PTPRD: variants seen among roughly 807,000 people sequenced by gnomAD.
PTPRD encodes the protein protein tyrosine phosphatase receptor type D.
Under a neutral mutation model 214.5 loss-of-function variants are expected in PTPRD, and 34 were observed. That is an observed-to-expected ratio of 0.16 (90% confidence interval 0.12 to 0.21). PTPRD has a LOEUF of 0.21. PTPRD is among the 10% of genes least tolerant of loss of function. The pLI is 1.00. For missense variants in PTPRD, 2,545 were observed against 2,398.7 expected (o/e 1.06, Z -1.27); for synonymous variants, 1,128 against 845.7 (o/e 1.33, Z -5.79).
At chr9:8,532,145 A>C (rs1592947942) in intron 14 of PTPRD, among the ~76,000 whole-genome samples, 2 of 152,014 alleles carry the variant, frequency 1.3e-5, no homozygotes, top group Non-Finnish European at 2.9e-5. Context: ...TCTTCGTTAA[A>C]TTTTCATGAG....
intron 7 of PTPRD, among the ~76,000 whole-genome samples, chr9:9,585,923 C>G (rs1489281443): frequency 6.6e-6 from 1 of 151,982 alleles, no homozygotes; most frequent in African/African-American, 2.4e-5. Flanking sequence ...AGCAGGCTAA[C>G]CAGAAGTAGA....
chr9:9,067,140 G>C (rs1331651565), intron 10 of PTPRD, among the ~76,000 whole-genome samples: 1 of 152,162 alleles, frequency 6.6e-6, no homozygotes. Flanking sequence ...TTACTCAGGA[G>C]AATCGCTTGA....
chr9:10,227,615 C>G (rs1052738446), intron 3 of PTPRD, among the ~76,000 whole-genome samples: 1 of 151,924 alleles, frequency 6.6e-6, no homozygotes, highest in African/African-American at 2.4e-5. Flanking sequence ...GTGCATTTTT[C>G]ATCCATCCTT....
intron 2 of PTPRD, among the ~76,000 whole-genome samples, chr9:10,592,121 C>A (rs558599682): frequency 2.6e-5 from 4 of 152,180 alleles, no homozygotes; most frequent in Admixed American, 2.6e-4. Flanking sequence ...AGTATTAAGA[C>A]TGAAGCAAGC....
chr9:9,443,266 C>A (rs1162078393), intron 8 of PTPRD, among the ~76,000 whole-genome samples: 1 of 148,298 alleles, frequency 6.7e-6, no homozygotes, highest in Non-Finnish European at 1.5e-5. Flanking sequence ...TAAATAACAG[C>A]ATGGACAGGA....
rs1268530452 is a variant in PTPRD, at chr9:9,618,508, A to C, written c.-286-43727T>G. Among the ~76,000 whole-genome samples, 4 of 152,290 alleles carry C rather than the reference A, an allele frequency of 2.6e-5. No individual in the cohort carries two copies. In the South Asian group the frequency reaches 6.2e-4, roughly 24 times the overall value. On this transcript the variant is annotated intron_variant, in intron 7 of 45. Coordinates refer to ENST00000381196, the MANE Select transcript of PTPRD (RefSeq NM_002839.4). ...TGGCAGTGACACTGCAGAGGAGAGG[A>C]CAGATGGAAGTGATATTAGGAAGGT...
intron 2 of PTPRD, among the ~76,000 whole-genome samples, chr9:10,368,568 G>T (rs1004887688): frequency 2.6e-5 from 4 of 151,962 alleles, no homozygotes; most frequent in African/African-American, 9.7e-5. Context: ...TTTAATGCAG[G>T]ATACAGAAAT....
At chr9:8,963,044 G>A (rs1045448168) in intron 11 of PTPRD, 1 of 151,846 alleles carries the variant, frequency 6.6e-6, no homozygotes, top group East Asian at 1.9e-4. Context: ...AATATACAAT[G>A]GAATACCAGA....
At chr9:10,403,579 C>A (rs1024626600) in intron 2 of PTPRD, among the ~76,000 whole-genome samples, 3 of 151,296 alleles carry the variant, frequency 2.0e-5, no homozygotes, top group Non-Finnish European at 4.4e-5. Context: ...GAACTAAACA[C>A]ACTCTGACCA....
intron 3 of PTPRD, among the ~76,000 whole-genome samples, chr9:10,146,195 A>C (rs910231859): frequency 3.3e-5 from 5 of 150,766 alleles, no homozygotes; most frequent in African/African-American, 9.7e-5. Flanking sequence ...TGATCTATGC[A>C]CACATATATA....
intron 31 of PTPRD, among the ~76,000 whole-genome samples, chr9:8,466,479 G>A (rs2096546360): frequency 6.6e-6 from 1 of 151,750 alleles, no homozygotes; most frequent in African/African-American, 2.4e-5. Flanking sequence ...GTTTATTTCT[G>A]GATAACCTAT....
intron 8 of PTPRD, among the ~76,000 whole-genome samples, chr9:9,539,236 A>AGTGG (rs1378896443): frequency 6.6e-6 from 1 of 151,888 alleles, no homozygotes; most frequent in African/African-American, 2.4e-5. Context: ...TGCACACTGA[A>AGTGG]GAATCAGTGG....
intron 13 of PTPRD, among the ~76,000 whole-genome samples, chr9:8,634,887 G>A (rs944900504): frequency 1.3e-5 from 2 of 151,538 alleles, no homozygotes; most frequent in African/African-American, 2.4e-5. Context: ...TTACACGCCA[G>A]TGATGTAATT....
chr9:9,236,294 T>A (rs988282110), intron 9 of PTPRD, among the ~76,000 whole-genome samples: 7 of 152,046 alleles, frequency 4.6e-5, no homozygotes, highest in Non-Finnish European at 1.0e-4. Context: ...ACAAAATTAT[T>A]TGAGAGAGCT....
chr9:10,546,422 CA>C (rs1358175749), intron 2 of PTPRD, among the ~76,000 whole-genome samples: 1 of 151,966 alleles, frequency 6.6e-6, no homozygotes, highest in Non-Finnish European at 1.5e-5. Flanking sequence ...AAAGCCTCAG[CA>C]AACTTTAGTT....
At chr9:8,480,527 T>G (rs1481299885) in intron 30 of PTPRD, among the ~76,000 whole-genome samples, 1 of 152,158 alleles carries the variant, frequency 6.6e-6, no homozygotes. Context: ...CGCTACTGAA[T>G]CCCTGAAACA....
At chr9:10,180,587 CA>C (rs1312178851) in intron 3 of PTPRD, among the ~76,000 whole-genome samples, 1 of 101,838 alleles carries the variant, frequency 9.8e-6, no homozygotes, top group East Asian at 2.7e-4. Flanking sequence ...ACTTTGATAC[CA>C]AAACCAGATA....
intron 9 of PTPRD, among the ~76,000 whole-genome samples, chr9:9,259,096 C>T (rs1305238264): frequency 6.6e-6 from 1 of 151,674 alleles, no homozygotes; most frequent in African/African-American, 2.4e-5. Flanking sequence ...TACCCATTCC[C>T]AAGACTGAAC....
At position 8,848,947 on chromosome 9, in the gene PTPRD, G is replaced by A. The variant is rs75476510; in HGVS notation, c.-103-115001C>T. Among the ~76,000 whole-genome samples, 54 of 151,246 alleles carry A rather than the reference G, an allele frequency of 3.6e-4. 3 individuals are homozygous for A. In the East Asian group the frequency reaches 0.01, roughly 28 times the overall value. Reference sequence around the variant, plus strand: ...AGGTGAGGTACTGAGCAGAATGCCTGGCATATAATAAATGCTCAGTAAGTT... The same window carrying A: ...AGGTGAGGTACTGAGCAGAATGCCTAGCATATAATAAATGCTCAGTAAGTT... On this transcript the variant is annotated intron_variant, in intron 11 of 45. Transcript: ENST00000381196.
Sources: gnomAD v4.1 joint callset for allele counts (sites outside exome capture counted in the v4.1 genomes callset) on GRCh38, gnomAD v4.1.1 for gene constraint, MANE v1.5 for transcripts, NCBI Gene and HGNC (gene_info 2026-07-23, HGNC 2026-07-21) for gene names.